Variants in TESK2 observed in about 807,000 individuals in gnomAD.
The protein encoded by TESK2 is dual specificity testis-specific protein kinase 2.
TESK2 carries 39 observed loss-of-function variants against 57.1 expected under a neutral mutation model. The ratio of observed to expected loss-of-function variants is 0.68; its 90% confidence interval spans 0.53 to 0.89. TESK2 has a LOEUF of 0.89. Ranked by LOEUF, TESK2 falls within the 40% of genes least tolerant of loss-of-function variation. TESK2 has a pLI of 0.00. For missense variants in TESK2, 646 were observed against 732.1 expected, an observed-to-expected ratio of 0.88 and a Z score of 1.36; for synonymous variants, 249 against 267.9, an observed-to-expected ratio of 0.93 and a Z score of 0.69.
At chr1:45,386,710 G>T (rs965285966) in intron 3 of TESK2, among the ~76,000 whole-genome samples, 2 of 151,914 alleles carry the variant, frequency 1.3e-5, no homozygotes, top group African/African-American at 4.8e-5. Flanking sequence ...CTGGAGTACA[G>T]TGGCATGATC....
At chr1:45,377,502 T>G in intron 4 of TESK2, among the ~76,000 whole-genome samples, 1 of 148,874 alleles carries the variant, frequency 6.7e-6, no homozygotes, top group East Asian at 2.0e-4. Flanking sequence ...CACTGCCACC[T>G]CTGCCTCCCA....
chr1:45,448,140 A>T (rs1278529862), intron 2 of TESK2, among the ~76,000 whole-genome samples: 2 of 145,970 alleles, frequency 1.4e-5, no homozygotes, highest in African/African-American at 5.0e-5. Flanking sequence ...CAGGAGGCTG[A>T]GGTGGGAGGA....
At chr1:45,459,235 G>T (rs755523977) in intron 1 of TESK2, among the ~76,000 whole-genome samples, 2 of 152,202 alleles carry the variant, frequency 1.3e-5, no homozygotes, top group African/African-American at 4.8e-5. Context: ...CTGCTGGCCA[G>T]GGGCATTTTC....
At chr1:45,393,738 CAAAAAAAAA>C (rs34270037) in intron 3 of TESK2, among the ~76,000 whole-genome samples, 20 of 88,406 alleles carry the variant, frequency 2.3e-4, no homozygotes, top group Non-Finnish European at 4.1e-4. Flanking sequence ...GACTCCGTCT[CAAAAAAAAA>C]AAAAAAAAGA....
At chr1:45,358,006 T>TAAAAC (rs1647513393) in intron 4 of TESK2, among the ~76,000 whole-genome samples, 1 of 24,234 alleles carries the variant, frequency 4.1e-5, no homozygotes, top group Non-Finnish European at 8.7e-5. Flanking sequence ...AAACTCCGTC[T>TAAAAC]AAAAAAAAAA....
chr1:45,382,999 G>A (rs1471735009), intron 4 of TESK2, among the ~76,000 whole-genome samples: 1 of 152,196 alleles, frequency 6.6e-6, no homozygotes, highest in Non-Finnish European at 1.5e-5. Flanking sequence ...TCAAGCCCAG[G>A]AAAGTCCAGA....
intron 9 of TESK2, among the ~76,000 whole-genome samples, chr1:45,346,482 C>G (rs1206578598): frequency 6.6e-6 from 1 of 152,170 alleles, no homozygotes; most frequent in Admixed American, 6.5e-5. Flanking sequence ...AGGTTGAGGA[C>G]CAGATAATAC....
intron 4 of TESK2, among the ~76,000 whole-genome samples, chr1:45,383,066 A>C (rs1648728402): frequency 6.6e-6 from 1 of 152,190 alleles, no homozygotes; most frequent in African/African-American, 2.4e-5. Flanking sequence ...TATAGGTATT[A>C]ATGAGTGCCA....
intron 3 of TESK2, among the ~76,000 whole-genome samples, chr1:45,395,181 C>G (rs147937835): frequency 6.6e-6 from 1 of 152,128 alleles, no homozygotes; most frequent in Non-Finnish European, 1.5e-5. Flanking sequence ...CCTTACTTAA[C>G]GATGGGGATA....
intron 3 of TESK2, among the ~76,000 whole-genome samples, chr1:45,392,178 C>T (rs540380015): frequency 9.9e-5 from 15 of 152,282 alleles, no homozygotes; most frequent in Non-Finnish European, 1.3e-4. Flanking sequence ...CTCCGCCTCC[C>T]GGGTTCAAGC....
chr1:45,346,666 G>A, intron 9 of TESK2, 27 bp downstream of exon 9: 1 of 1,598,028 alleles, frequency 6.3e-7, no homozygotes, highest in Non-Finnish European at 8.6e-7. Flanking sequence ...AGCCCCTGAT[G>A]AAAGGCAGAG....
At chr1:45,476,537 T>C (rs1652997488) in intron 1 of TESK2, among the ~76,000 whole-genome samples, 1 of 151,436 alleles carries the variant, frequency 6.6e-6, no homozygotes, top group Non-Finnish European at 1.5e-5. Context: ...AACTTAATAT[T>C]ATGTAGTCAT....
chr1:45,390,763 T>C (rs1649102716), intron 3 of TESK2, among the ~76,000 whole-genome samples: 1 of 150,100 alleles, frequency 6.7e-6, no homozygotes. Flanking sequence ...ATTATTATTA[T>C]TGTTATTGTT....
At chr1:45,352,432 A>G (rs1325812787) in intron 5 of TESK2, among the ~76,000 whole-genome samples, 1 of 152,216 alleles carries the variant, frequency 6.6e-6, no homozygotes, top group Non-Finnish European at 1.5e-5. Flanking sequence ...ATAATACAGC[A>G]CAACAAGCCC....
chr1:45,424,667 T>C (rs562202753), intron 2 of TESK2, among the ~76,000 whole-genome samples: 2 of 152,320 alleles, frequency 1.3e-5, no homozygotes, highest in South Asian at 2.1e-4. Flanking sequence ...CTGAAAACTG[T>C]CACACTAAGA....
At chr1:45,423,178 T>C (rs1258091527) in intron 2 of TESK2, among the ~76,000 whole-genome samples, 1 of 152,150 alleles carries the variant, frequency 6.6e-6, no homozygotes, top group Admixed American at 6.5e-5. Context: ...AAAACGAAGA[T>C]ATATGCATGA....
intron 3 of TESK2, among the ~76,000 whole-genome samples, chr1:45,396,554 T>G (rs1649368112): frequency 6.6e-6 from 1 of 151,904 alleles, no homozygotes. Flanking sequence ...AGTAGTGCAA[T>G]CTCAGCTTAC....
At chr1:45,382,443 T>C (rs908767377) in intron 4 of TESK2, among the ~76,000 whole-genome samples, 3 of 152,228 alleles carry the variant, frequency 2.0e-5, no homozygotes, top group Non-Finnish European at 4.4e-5. Context: ...TTTGCCATGT[T>C]GCCCAGGCTG....
intron 4 of TESK2, among the ~76,000 whole-genome samples, chr1:45,381,778 A>T (rs1030169777): frequency 4.0e-5 from 6 of 151,642 alleles, no homozygotes; most frequent in African/African-American, 1.5e-4. Flanking sequence ...ACAAAGATTT[A>T]CACTTCCCTG....
Sources: allele counts gnomAD v4.1 joint callset (sites outside exome capture counted in the v4.1 genomes callset), GRCh38; gene constraint gnomAD v4.1.1; transcripts MANE v1.5; gene names NCBI Gene and HGNC (gene_info 2026-07-23, HGNC 2026-07-21).